The following PPM1L variants were observed in gnomAD, a reference collection of about 807,000 sequenced individuals.
The protein encoded by PPM1L is protein phosphatase 1L.
PPM1L carries 13 observed loss-of-function variants against 31.4 expected under a neutral mutation model. The observed-to-expected ratio is 0.41, with a 90% CI of 0.27 to 0.66. PPM1L has a LOEUF of 0.66. Among genes scored for constraint, PPM1L ranks in the 30% least tolerant of loss-of-function variants. PPM1L has a pLI of 0.29. For synonymous variants in PPM1L, 184 were observed against 175.4 expected (o/e 1.05, Z -0.39); for missense variants, 326 against 453.7 (o/e 0.72, Z 2.56).
intron 2 of PPM1L, among the ~76,000 whole-genome samples, chr3:160,970,554 A>G (rs1388269838): frequency 3.4e-5 from 5 of 147,940 alleles, no homozygotes; most frequent in East Asian, 2.0e-4. Context: ...GGTTCAAGCA[A>G]TTCTCGTGCA....
chr3:161,064,733 C>A (rs1719671830), intron 2 of PPM1L, among the ~76,000 whole-genome samples: 1 of 152,122 alleles, frequency 6.6e-6, no homozygotes, highest in Admixed American at 6.6e-5. Flanking sequence ...GGGCTTCAGG[C>A]AAGCACGTCT....
Position 161,075,421 on chromosome 3 carries a change from C to T in PPM1L, c.*6264C>T, listed in dbSNP as rs1451709215. 1.3e-5 allele frequency: 2 copies of T among 152,122 alleles called. No homozygotes were observed. The highest frequency in any genetic ancestry group is 4.8e-5 in the African/African-American group (2 of 41,422). 9.4% of individuals were successfully genotyped at this position (152,122 alleles called of 1,614,324 possible). A position where few individuals can be genotyped will look rare whatever the true frequency, so the allele number is the denominator to read the frequency against. On this transcript the variant is annotated 3_prime_UTR_variant, in exon 4 of 4. Coordinates refer to ENST00000498165, the MANE Select transcript of PPM1L (RefSeq NM_139245.4). The stretch of plus-strand genomic sequence containing the variant: ...ATAGATGAAGAAAAGGCAGTTGTTA[C>T]CACTTTTCACCATTCAAAAAATGGG...
intron 1 of PPM1L, among the ~76,000 whole-genome samples, chr3:160,834,457 A>G (rs547062681): frequency 4.2e-5 from 6 of 141,284 alleles, no homozygotes; most frequent in Admixed American, 7.0e-5. Context: ...TTTTACATGC[A>G]TTTGTGTATG....
intron 1 of PPM1L, among the ~76,000 whole-genome samples, chr3:160,951,712 C>T (rs965403281): frequency 6.6e-6 from 1 of 152,136 alleles, no homozygotes; most frequent in African/African-American, 2.4e-5. Context: ...AGGTTCGTCA[C>T]ATTAGGAATT....
Position 160,854,548 on chromosome 3 carries a change from A to G in PPM1L, c.399+97841A>G, listed in dbSNP as rs532602171. 9.2e-5 allele frequency among the ~76,000 whole-genome samples: 14 copies of G among 152,146 alleles called. No homozygotes were observed. The South Asian group carries it at 1.5e-3, about 16-fold the overall frequency. On this transcript the variant is annotated intron_variant, in intron 1 of 3. Transcript: ENST00000498165. ...TCGGTAGCATTTCTATATACCAACA[A>G]TATCCAAGCTGAGTGCCAAATCAAG...
chr3:160,980,463 G>A (rs1716755998), intron 2 of PPM1L, among the ~76,000 whole-genome samples: 1 of 151,894 alleles, frequency 6.6e-6, no homozygotes, highest in Non-Finnish European at 1.5e-5. Flanking sequence ...GATTGCTTGA[G>A]CTCAGGAGTT....
intron 1 of PPM1L, among the ~76,000 whole-genome samples, chr3:160,776,604 CTT>C (rs72051944): frequency 6.0e-4 from 80 of 132,884 alleles, no homozygotes; most frequent in Admixed American, 1.1e-3. Flanking sequence ...ACCTTGGTGC[CTT>C]TTTTTTTTTT....
intron 1 of PPM1L, among the ~76,000 whole-genome samples, chr3:160,850,110 A>G (rs536368672): frequency 1.1e-4 from 17 of 152,214 alleles, no homozygotes; most frequent in Non-Finnish European, 1.6e-4. Context: ...ACCTACGGCT[A>G]TCAATCAGAG....
In PPM1L at chr3:161,055,184, C is replaced by A. The variant is rs1209957719; in HGVS notation, c.575-10219C>A. Among the ~76,000 whole-genome samples, 5 of 152,130 alleles carry A rather than the reference C, an allele frequency of 3.3e-5. No individual in the cohort carries two copies. In the East Asian group the frequency reaches 9.6e-4, roughly 29 times the overall value. On this transcript the variant is annotated intron_variant, in intron 2 of 3. Transcript: ENST00000498165. ...CTTACTGTTTATAGTGTTTTCCACA[C>A]AAGGTATCATCCCTGACAAGTCTTT...
intron 1 of PPM1L, among the ~76,000 whole-genome samples, chr3:160,843,402 T>G (rs1302795348): frequency 1.6e-5 from 2 of 123,468 alleles, no homozygotes; most frequent in East Asian, 5.3e-4. Context: ...ATGATTTTTT[T>G]TTTGTGTGTG....
rs981198339 is a variant in PPM1L at position 161,070,651 on chromosome 3, G to T, written c.*1494G>T. The stretch of plus-strand genomic sequence containing the variant: ...ACTCAAACAGCCAAACGAAACTTCC[G>T]TTGCCTCCCAGCCCTCTGTATCCAC... On this transcript the variant is annotated 3_prime_UTR_variant, in exon 4 of 4. Coordinates refer to ENST00000498165, the MANE Select transcript of PPM1L (RefSeq NM_139245.4). The T allele has an allele frequency of 6.6e-6, 1 of 152,130 alleles. No homozygotes were observed. The highest frequency in any genetic ancestry group is 1.5e-5 in the Non-Finnish European group (1 of 68,050). The allele number at this position is 152,130 out of a possible 1,614,324, so 9.4% of individuals were successfully genotyped here.
chr3:161,047,122 T>A (rs934780529), intron 2 of PPM1L, among the ~76,000 whole-genome samples: 4 of 152,154 alleles, frequency 2.6e-5, no homozygotes, highest in African/African-American at 9.7e-5. Flanking sequence ...ATAAAGGGTA[T>A]TCAGCTAAGA....
rs1261559443 is a variant in PPM1L, at chr3:161,072,085, G to A, written c.*2928G>A. The stretch of plus-strand genomic sequence containing the variant: ...TCCATTAATGCAGTGCTCTGCTGCT[G>A]CTCCACTGGCAATTTGTACTCTTAA... On this transcript the variant is annotated 3_prime_UTR_variant, in exon 4 of 4. Transcript: ENST00000498165. 1 of 152,204 alleles carries A rather than the reference G, an allele frequency of 6.6e-6. No individual in the cohort carries two copies. The highest frequency in any genetic ancestry group is 1.5e-5 in the Non-Finnish European group (1 of 68,042). The allele number at this position is 152,204 out of a possible 1,614,324, so 9.4% of individuals were successfully genotyped here. A position where few individuals can be genotyped will look rare whatever the true frequency, so the allele number is the denominator to read the frequency against.
intron 1 of PPM1L, among the ~76,000 whole-genome samples, chr3:160,843,595 T>G (rs985290919): frequency 6.6e-6 from 1 of 151,466 alleles, no homozygotes; most frequent in Non-Finnish European, 1.5e-5. Flanking sequence ...TAGGTATATC[T>G]CCTAATGCTA....
chr3:160,833,179 T>C (rs1713572904), intron 1 of PPM1L, among the ~76,000 whole-genome samples: 1 of 152,240 alleles, frequency 6.6e-6, no homozygotes. Flanking sequence ...TTGGTGGACA[T>C]TTACGTTGAT....
At chr3:160,912,640 T>C (rs1415468351) in intron 1 of PPM1L, among the ~76,000 whole-genome samples, 1 of 152,202 alleles carries the variant, frequency 6.6e-6, no homozygotes, top group Non-Finnish European at 1.5e-5. Context: ...TGAATATCCA[T>C]GCAAAAGAGT....
At chr3:160,944,642 A>G (rs1715263082) in intron 1 of PPM1L, among the ~76,000 whole-genome samples, 1 of 145,240 alleles carries the variant, frequency 6.9e-6, no homozygotes, top group Non-Finnish European at 1.5e-5. Context: ...GTACACCTCA[A>G]ATTTAACACA....
chr3:160,978,746 C>A (rs1412789367), intron 2 of PPM1L, among the ~76,000 whole-genome samples: 1 of 152,098 alleles, frequency 6.6e-6, no homozygotes, highest in Non-Finnish European at 1.5e-5. Context: ...AGGAAGATTG[C>A]TTGAGCCCAG....
chr3:160,787,598 G>C (rs1441546323), intron 1 of PPM1L, among the ~76,000 whole-genome samples: 2 of 152,082 alleles, frequency 1.3e-5, no homozygotes, highest in Non-Finnish European at 2.9e-5. Context: ...AAGCTCTTTA[G>C]TTTAACTAGG....
Sources: allele counts gnomAD v4.1 joint callset (sites outside exome capture counted in the v4.1 genomes callset), GRCh38; gene constraint gnomAD v4.1.1; transcripts MANE v1.5; gene names NCBI Gene and HGNC (gene_info 2026-07-23, HGNC 2026-07-21).